Variants in CIAO3 observed in about 807,000 individuals in gnomAD.
CIAO3 encodes LET1 like/JFP15.
Under a neutral mutation model 51.5 loss-of-function variants are expected in CIAO3, and 45 were observed. That is an observed-to-expected ratio of 0.87 (90% CI 0.69 to 1.12). The LOEUF is 1.12. Ranked by LOEUF, CIAO3 falls within the 50% of genes most tolerant of loss-of-function variation. CIAO3 has a pLI of 0.00. For missense variants in CIAO3, 668 were observed against 632.5 expected, an observed-to-expected ratio of 1.06 and a Z score of -0.60; for synonymous variants, 314 against 269.3, an observed-to-expected ratio of 1.17 and a Z score of -1.63.
intron 5 of CIAO3, 133 bp from the exon 6 acceptor site, chr16:734,480 C>A (rs2041317885): frequency 1.2e-6 from 1 of 834,662 alleles, no homozygotes; most frequent in South Asian, 1.5e-5. Context: ...GTGCTCATTC[C>A]TGTTCTCCCC....
In CIAO3 at chr16:737,741, G is replaced by A. The variant is rs377056870; in HGVS notation, c.163-412C>T. 34 of 1,273,942 alleles carry A rather than the reference G, an allele frequency of 2.7e-5. No individual in the cohort carries two copies. In the East Asian group the frequency reaches 7.8e-4, roughly 29 times the overall value. 78.9% of individuals were successfully genotyped at this position (1,273,942 alleles called of 1,614,324 possible). A position where few individuals can be genotyped will look rare whatever the true frequency, so the allele number is the denominator to read the frequency against. The stretch of plus-strand genomic sequence containing the variant: ...AGCTGAGGACAAAGGAGGAAAGGAC[G>A]AAGGCACAGGAAGAGGAGAGCAGAG... On this transcript the variant is annotated intron_variant, in intron 2 of 10. Coordinates refer to ENST00000251588, the MANE Select transcript of CIAO3 (RefSeq NM_022493.3). The surrounding 1 kb of genome is among the most constrained non-coding windows in gnomAD (Gnocchi z 5.3).
Position 734,864 on chromosome 16 carries a change from G to A in CIAO3, c.447C>T (p.His149=), listed in dbSNP as rs1330759791. 6.4e-7 allele frequency: 1 copy of A among 1,561,498 alleles called. No individual in the cohort carries two copies. The highest frequency in any genetic ancestry group is 1.4e-5 in the African/African-American group (1 of 74,002). ...LTSFFKKIGV[H]FVFDTAFSRH... ...TTGAGAAGGCGGTGTCGAAGACGAA[G>A]TGCACCCCTGGAAGGTGAAGGTGGG... Residue 149 remains histidine, a synonymous_variant, in exon 5 of 11, where the codon CAC becomes CAT. Transcript: ENST00000251588.
intron 3 of CIAO3, 128 bp from the exon 4 acceptor site, chr16:736,526 T>C (rs946718968): frequency 1.9e-4 from 227 of 1,217,418 alleles, no homozygotes; most frequent in Middle Eastern, 2.8e-4. Context: ...GTCTTTTTTT[T>C]TTTTTTAACA....
chr16:737,057 C>A lies in CIAO3; in HGVS notation c.306+129G>T. 1 of 1,211,074 alleles carries A rather than the reference C, an allele frequency of 8.3e-7. No individual in the cohort carries two copies. The highest frequency in any genetic ancestry group is 1.2e-6 in the Non-Finnish European group (1 of 847,148). The allele number at this position is 1,211,074 out of a possible 1,614,324, so 75.0% of individuals were successfully genotyped here. A position where few individuals can be genotyped will look rare whatever the true frequency, so the allele number is the denominator to read the frequency against. The stretch of plus-strand genomic sequence containing the variant: ...CTGACAAATCACCAAGATTCCAAGC[C>A]TCAAAAAGGCAGGCGCCACCCGCAC... On this transcript the variant is annotated intron_variant, in intron 3 of 10. Transcript: ENST00000251588. This position sits in a 1 kb window ranked among gnomAD's most constrained non-coding sequence, Gnocchi z 5.3.
chr16:730,674 G>T lies in CIAO3; in HGVS notation c.1193-19C>A. 6.2e-7 allele frequency: 1 copy of T among 1,602,996 alleles called. No homozygotes were observed. Reference sequence around the variant, plus strand: ...AGGCAGCCTATGGGAGAGCAGACGGGACAGGGGTCACAGCCTGCGCCCCAG... The same window carrying T: ...AGGCAGCCTATGGGAGAGCAGACGGTACAGGGGTCACAGCCTGCGCCCCAG... On this transcript the variant is annotated intron_variant, in intron 10 of 10. Coordinates refer to ENST00000251588, the MANE Select transcript of CIAO3 (RefSeq NM_022493.3).
In CIAO3 at chr16:734,319, G is replaced by T; in HGVS notation, c.603C>A (p.His201Gln). Residue 201 changes from histidine (H) to glutamine (Q), a missense_variant, in exon 6 of 11, where the codon CAC becomes CAA. Coordinates refer to ENST00000251588, the MANE Select transcript of CIAO3 (RefSeq NM_022493.3). Reference protein sequence around the residue: ...PGWICYAEKTHGSFILPHIST... With the variant: ...PGWICYAEKTQGSFILPHIST... ...TGATGTGGGGGAGGATGAAGCTGCCGTGAGTCTTCTCGGCATAGCAGATCC... is the reference window on the plus strand; with the variant it reads ...TGATGTGGGGGAGGATGAAGCTGCCTTGAGTCTTCTCGGCATAGCAGATCC... 6.2e-7 allele frequency: 1 copy of T among 1,611,568 alleles called. No homozygotes were observed. Among genetic ancestry groups the T allele is most frequent in the South Asian group, 1.1e-5 (1 of 91,084 alleles).
At chr16:731,834 C>T in intron 8 of CIAO3, 132 bp from the exon 9 acceptor site, 1 of 1,233,570 alleles carries the variant, frequency 8.1e-7, no homozygotes, top group Non-Finnish European at 1.1e-6. Flanking sequence ...AGAGGAACAG[C>T]TCCTGTGTCA....
intron 3 of CIAO3, among the ~76,000 whole-genome samples, chr16:736,804 C>T (rs550685488): frequency 6.6e-6 from 1 of 152,314 alleles, no homozygotes; most frequent in East Asian, 1.9e-4. Context: ...GCTTGGATTA[C>T]AGGCATGTGC....
chr16:737,920 C>T lies in CIAO3; in HGVS notation c.163-591G>A, dbSNP rs1039313860. The T allele has an allele frequency of 3.4e-6, 4 of 1,181,796 alleles. No homozygotes were observed. The highest frequency in any genetic ancestry group is 1.6e-5 in the African/African-American group (1 of 62,348). 73.2% of individuals were successfully genotyped at this position (1,181,796 alleles called of 1,614,324 possible). On this transcript the variant is annotated intron_variant, in intron 2 of 10. Coordinates refer to ENST00000251588, the MANE Select transcript of CIAO3 (RefSeq NM_022493.3). The surrounding 1 kb of genome is among the most constrained non-coding windows in gnomAD (Gnocchi z 5.3). ...TGCAAAACGCACCCAGCTCGAGCTC[C>T]CCCAACTTCTCCTGCAAAGGCAGGA... is the stretch of plus-strand genomic sequence containing the variant.
intron 4 of CIAO3, 115 bp from the exon 5 acceptor site, chr16:734,986 G>A (rs1395367618): frequency 5.7e-5 from 78 of 1,365,420 alleles, no homozygotes; most frequent in East Asian, 7.7e-5. Context: ...CCTGCTTGCC[G>A]TGCCAAAGCC....
intron 5 of CIAO3, 93 bp downstream of exon 5, chr16:734,644 C>A (rs771691557): frequency 5.0e-6 from 8 of 1,604,080 alleles, no homozygotes; most frequent in Non-Finnish European, 6.0e-6. Context: ...GTCTCCACCC[C>A]CCATGCCCCC....
At chr16:739,426 G>A in intron 2 of CIAO3, 1 of 595,856 alleles carries the variant, frequency 1.7e-6, no homozygotes, top group East Asian at 2.8e-5. Context: ...CCCCTCTGCT[G>A]AGCAGATCAA....
rs2041366362 is a variant in CIAO3, at chr16:739,031, C to T, written c.162+612G>A. Among the ~76,000 whole-genome samples, 6 of 150,614 alleles carry T rather than the reference C, an allele frequency of 4.0e-5. No homozygotes were observed. In the South Asian group the frequency reaches 1.3e-3, roughly 32 times the overall value. On this transcript the variant is annotated intron_variant, in intron 2 of 10. Transcript: ENST00000251588. ...GAGGGGTCTGGGCTGGGCGCGGTGG[C>T]TCACGCCTGTAATCCCAGCACTTTG...
Position 737,677 on chromosome 16 carries a change from A to C in CIAO3, c.163-348T>G, listed in dbSNP as rs2041353295. 3 of 1,318,012 alleles carry C rather than the reference A, an allele frequency of 2.3e-6. No individual in the cohort carries two copies. Among genetic ancestry groups the C allele is most frequent in the Non-Finnish European group, 3.0e-6 (3 of 1,008,362 alleles). 81.6% of individuals were successfully genotyped at this position (1,318,012 alleles called of 1,614,324 possible). A position where few individuals can be genotyped will look rare whatever the true frequency, so the allele number is the denominator to read the frequency against. On this transcript the variant is annotated intron_variant, in intron 2 of 10. Transcript: ENST00000251588. This position sits in a 1 kb window ranked among gnomAD's most constrained non-coding sequence, Gnocchi z 5.3. ...CACACTCACAGGGCTGTAGGGCAGGAAAATGCCGAAGGTGGGCTCTGAAAG... is the reference window on the plus strand; with the variant it reads ...CACACTCACAGGGCTGTAGGGCAGGCAAATGCCGAAGGTGGGCTCTGAAAG...
chr16:730,772 G>T, intron 10 of CIAO3, 71 bp downstream of exon 10: 1 of 1,589,618 alleles, frequency 6.3e-7, no homozygotes, highest in Non-Finnish European at 8.6e-7. Context: ...CCCACTCCCA[G>T]CCTGGTGGAT....
rs140239745 is a variant in CIAO3, at chr16:730,546, G to A, written c.1302C>T (p.Asp434=). ...YGMVRAEAPE[D]APGVQELYTH... ...TGTACAGCTCCTGAACCCCAGGCGC[G>A]TCCTCGGGCGCCTCAGCCCGGACCA... The change falls in exon 11 of 11, where the codon GAC becomes GAT. Residue 434 remains aspartate (D), a synonymous_variant. Coordinates refer to ENST00000251588, the MANE Select transcript of CIAO3 (RefSeq NM_022493.3). 59 of 1,610,812 alleles carry A rather than the reference G, an allele frequency of 3.7e-5. No homozygotes were observed. The highest frequency in any genetic ancestry group is 4.0e-5 in the African/African-American group (3 of 74,948).
At position 737,021 on chromosome 16, in the gene CIAO3, A is replaced by T; in HGVS notation, c.306+165T>A. ...AAGTTTGGGGCCTGACACGTTCACC[A>T]CTGGAGCCCACTGACAAATCACCAA... is the stretch of plus-strand genomic sequence containing the variant. On this transcript the variant is annotated intron_variant, in intron 3 of 10. Coordinates refer to ENST00000251588, the MANE Select transcript of CIAO3 (RefSeq NM_022493.3). The surrounding 1 kb of genome is among the most constrained non-coding windows in gnomAD (Gnocchi z 5.3). 1.2e-6 allele frequency: 1 copy of T among 819,370 alleles called. No homozygotes were observed. Among genetic ancestry groups the T allele is most frequent in the African/African-American group, 1.7e-5 (1 of 59,322 alleles). 50.8% of individuals were successfully genotyped at this position (819,370 alleles called of 1,614,324 possible). A position where few individuals can be genotyped will look rare whatever the true frequency, so the allele number is the denominator to read the frequency against.
intron 5 of CIAO3, 58 bp downstream of exon 5, chr16:734,679 C>G: frequency 6.2e-7 from 1 of 1,612,636 alleles, no homozygotes; most frequent in South Asian, 1.1e-5. Context: ...GTCCATATCA[C>G]CTCACGTTTC....
In CIAO3 at chr16:732,371, C is replaced by T. The variant is rs1408807716; in HGVS notation, c.826G>A (p.Glu276Lys). 6.2e-7 allele frequency: 1 copy of T among 1,612,774 alleles called. No homozygotes were observed. Among genetic ancestry groups the T allele is most frequent in the South Asian group, 1.1e-5 (1 of 91,082 alleles). ...TCTTCCTCCAGCAACCTGAAAACTTCTCCTGCAAAGAAGCCACAGCGCAGA... is the reference window on the plus strand; with the variant it reads ...TCTTCCTCCAGCAACCTGAAAACTTTTCCTGCAAAGAAGCCACAGCGCAGA... ...RDVDCVLTTG[E>K]VFRLLEEEGV... The change falls in exon 8 of 11, where the codon GAA (glutamate) becomes AAA (lysine). Residue 276 changes from glutamate (E) to lysine (K), a missense_variant and splice_region_variant. Transcript: ENST00000251588.
Sources: gnomAD v4.1 joint callset for allele counts (sites outside exome capture counted in the v4.1 genomes callset) on GRCh38, gnomAD v4.1.1 for gene constraint, Gnocchi (gnomAD v3.1) non-coding constraint, MANE v1.5 for transcripts, NCBI Gene and HGNC (gene_info 2026-07-23, HGNC 2026-07-21) for gene names.